The following FHIT variants were observed in gnomAD, a reference collection of about 807,000 sequenced individuals.
FHIT encodes bis(5'-adenosyl)-triphosphatase.
In FHIT, 19 loss-of-function variants were observed where a neutral mutation model predicts 17.9. That is an observed-to-expected ratio of 1.06 (90% CI 0.74 to 1.56). FHIT has a LOEUF of 1.56. Among genes scored for constraint, FHIT ranks in the 40% most tolerant of loss-of-function variants. FHIT has a pLI of 0.00. For synonymous variants in FHIT, 81 were observed against 69.7 expected (o/e 1.16, Z -0.81); for missense variants, 248 against 189.2 (o/e 1.31, Z -1.82).
chr3:61,188,147 G>A (rs1264461597), intron 2 of FHIT, among the ~76,000 whole-genome samples: 2 of 152,074 alleles, frequency 1.3e-5, no homozygotes, highest in Non-Finnish European at 2.9e-5. Flanking sequence ...CCAGGAGCTG[G>A]TTTTTTGAAA....
At chr3:60,347,601 A>G (rs1710846437) in intron 5 of FHIT, among the ~76,000 whole-genome samples, 1 of 139,250 alleles carries the variant, frequency 7.2e-6, no homozygotes, top group Admixed American at 7.7e-5. Context: ...AATTCATTCT[A>G]CAGCCCCGAG....
chr3:60,505,997 T>G (rs563478030), intron 5 of FHIT, among the ~76,000 whole-genome samples: 82 of 152,206 alleles, frequency 5.4e-4, no homozygotes, highest in Non-Finnish European at 1.0e-3. Context: ...AAGTCTGGTT[T>G]GATGACTCCT....
intron 1 of FHIT, among the ~76,000 whole-genome samples, chr3:61,231,584 A>G (rs973942084): frequency 6.6e-6 from 1 of 152,144 alleles, no homozygotes; most frequent in Non-Finnish European, 1.5e-5. Context: ...CAATAAATAT[A>G]ATCAACTGTG....
intron 5 of FHIT, among the ~76,000 whole-genome samples, chr3:60,354,541 T>C (rs1217719120): frequency 5.3e-5 from 8 of 152,254 alleles, no homozygotes; most frequent in Non-Finnish European, 8.8e-5. Context: ...GCCAGTTAAG[T>C]CACCTTTCCC....
intron 5 of FHIT, among the ~76,000 whole-genome samples, chr3:60,121,456 T>C (rs1421848945): frequency 1.3e-5 from 2 of 151,456 alleles, no homozygotes; most frequent in African/African-American, 4.9e-5. Flanking sequence ...GAGGCAGAGG[T>C]GGGTGGATCA....
chr3:59,818,453 A>T (rs1465533180), intron 8 of FHIT, among the ~76,000 whole-genome samples: 1 of 152,196 alleles, frequency 6.6e-6, no homozygotes, highest in Non-Finnish European at 1.5e-5. Flanking sequence ...CTTCAAAGGA[A>T]GATGGTGTTT....
At chr3:60,965,300 C>A (rs782320792) in intron 3 of FHIT, among the ~76,000 whole-genome samples, 7 of 152,184 alleles carry the variant, frequency 4.6e-5, no homozygotes, top group Non-Finnish European at 8.8e-5. Context: ...TTAAGTTCTT[C>A]TCTACACTGA....
chr3:60,830,558 A>T (rs1466452361), intron 3 of FHIT, among the ~76,000 whole-genome samples: 1 of 152,224 alleles, frequency 6.6e-6, no homozygotes, highest in African/African-American at 2.4e-5. Flanking sequence ...TGTCTAAGCA[A>T]CAGGGAAAAA....
chr3:60,210,659 G>A (rs1456271479), intron 5 of FHIT, among the ~76,000 whole-genome samples: 2 of 152,146 alleles, frequency 1.3e-5, no homozygotes, highest in African/African-American at 4.8e-5. Flanking sequence ...ACTGGACTGT[G>A]CTGTTAATAT....
chr3:60,844,959 T>C, intron 3 of FHIT, among the ~76,000 whole-genome samples: 1 of 152,128 alleles, frequency 6.6e-6, no homozygotes, highest in Non-Finnish European at 1.5e-5. Context: ...CTGCTGGATT[T>C]TTTCTGATAG....
intron 5 of FHIT, among the ~76,000 whole-genome samples, chr3:60,098,479 T>A (rs1218951771): frequency 4.6e-5 from 7 of 152,060 alleles, no homozygotes; most frequent in Non-Finnish European, 8.8e-5. Flanking sequence ...ATGATGAGCA[T>A]TTTTTCATGT....
At chr3:59,944,769 T>A (rs1286263201) in intron 7 of FHIT, among the ~76,000 whole-genome samples, 7 of 152,108 alleles carry the variant, frequency 4.6e-5, no homozygotes, top group Non-Finnish European at 1.5e-5. Flanking sequence ...TAAGTGGGAA[T>A]ATGCAGTATT....
chr3:60,251,583 G>C (rs938319297), intron 5 of FHIT, among the ~76,000 whole-genome samples: 7 of 152,122 alleles, frequency 4.6e-5, no homozygotes, highest in African/African-American at 1.7e-4. Flanking sequence ...AAGTATCTTT[G>C]GGAATAGTTA....
At chr3:60,747,954 G>T (rs567378072) in intron 4 of FHIT, among the ~76,000 whole-genome samples, 15 of 152,194 alleles carry the variant, frequency 9.9e-5, no homozygotes, top group Admixed American at 9.8e-4. Context: ...GCATCTCAGT[G>T]TAATGTATGT....
chr3:60,083,839 G>T (rs548219553), intron 5 of FHIT, among the ~76,000 whole-genome samples: 2 of 152,180 alleles, frequency 1.3e-5, no homozygotes, highest in Non-Finnish European at 2.9e-5. Context: ...TAGCCTGCAG[G>T]CTCTTGTTTG....
chr3:60,858,567 G>T (rs1340047255), intron 3 of FHIT, among the ~76,000 whole-genome samples: 1 of 152,040 alleles, frequency 6.6e-6, no homozygotes, highest in Non-Finnish European at 1.5e-5. Flanking sequence ...ATGAAGTGAG[G>T]GCTTCTTTCT....
At chr3:60,230,919 C>T (rs1273007226) in intron 5 of FHIT, among the ~76,000 whole-genome samples, 1 of 152,128 alleles carries the variant, frequency 6.6e-6, no homozygotes, top group Admixed American at 6.5e-5. Context: ...CCATGTTGGC[C>T]AGGCTGGTCT....
At chr3:60,004,468 G>C (rs779239711) in intron 7 of FHIT, among the ~76,000 whole-genome samples, 1 of 152,084 alleles carries the variant, frequency 6.6e-6, no homozygotes, top group African/African-American at 2.4e-5. Context: ...GCAGCATTTA[G>C]GTTAAGCTTC....
At position 59,749,090 on chromosome 3, in the gene FHIT, T is replaced by C. The variant is rs1700742236; in HGVS notation, c.*495A>G. 6.6e-6 allele frequency among the ~76,000 whole-genome samples: 1 copy of C among 152,202 alleles called. No homozygotes were observed. The highest frequency in any genetic ancestry group is 1.5e-5 in the Non-Finnish European group (1 of 68,034). On this transcript the variant is annotated 3_prime_UTR_variant, in exon 10 of 10. Coordinates refer to ENST00000492590, the MANE Select transcript of FHIT (RefSeq NM_002012.4). Reference sequence around the variant, plus strand: ...AGATTAACAATTTTTAAAGTCTAGCTATGTCCAAATATTTCATAATTGCCC... The same window carrying C: ...AGATTAACAATTTTTAAAGTCTAGCCATGTCCAAATATTTCATAATTGCCC...
Sources: gnomAD v4.1 joint callset for allele counts (sites outside exome capture counted in the v4.1 genomes callset) on GRCh38, gnomAD v4.1.1 for gene constraint, MANE v1.5 for transcripts, NCBI Gene and HGNC (gene_info 2026-07-23, HGNC 2026-07-21) for gene names.